Variants in TMTC2 observed in about 807,000 individuals in gnomAD.
TMTC2 encodes transmembrane O-mannosyltransferase targeting cadherins 2, also known as protein O-mannosyl-transferase TMTC2.
TMTC2 carries 43 observed loss-of-function variants against 82.4 expected under a neutral mutation model. The ratio of observed to expected loss-of-function variants is 0.52; its 90% CI spans 0.41 to 0.67. The LOEUF (loss-of-function observed/expected upper bound fraction) is 0.67. TMTC2 is among the 30% of genes least tolerant of loss of function. The pLI is 0.00. For missense variants in TMTC2, 919 were observed against 1,012.4 expected, an observed-to-expected ratio of 0.91 and a Z score of 1.25; for synonymous variants, 408 against 381.9, an observed-to-expected ratio of 1.07 and a Z score of -0.80.
chr12:82,736,820 T>G (rs1875149890), intron 1 of TMTC2, among the ~76,000 whole-genome samples: 2 of 152,182 alleles, frequency 1.3e-5, no homozygotes, highest in African/African-American at 4.8e-5. Flanking sequence ...TATTGGAAGC[T>G]TCTAGTTAAT....
chr12:83,114,085 GA>G (rs202008278), intron 11 of TMTC2, among the ~76,000 whole-genome samples: 5 of 150,652 alleles, frequency 3.3e-5, no homozygotes, highest in Admixed American at 1.3e-4. Context: ...TTTGGAAGAT[GA>G]AAAAAAAATG....
At chr12:82,855,878 A>G (rs754756147) in intron 1 of TMTC2, among the ~76,000 whole-genome samples, 17 of 152,236 alleles carry the variant, frequency 1.1e-4, no homozygotes, top group Non-Finnish European at 1.8e-4. Context: ...TAACATGAAT[A>G]TAACCATTAC....
In TMTC2 at chr12:82,857,052, A is replaced by T. The variant is rs762250107; in HGVS notation, c.126A>T (p.Pro42=). 7 of 1,613,254 alleles carry T rather than the reference A, an allele frequency of 4.3e-6. No individual in the cohort carries two copies. The highest frequency in any genetic ancestry group is 5.1e-6 in the Non-Finnish European group (6 of 1,180,008). ...ATCAGGACCTTCTCCCAGAAACTCC[A>T]TGGACGCACATTTTCTACAATGATT... ...KTNQDLLPET[P]WTHIFYNDFW... Residue 42 remains proline, a synonymous_variant, in exon 2 of 12, where the codon CCA becomes CCT. Transcript: ENST00000321196.
chr12:82,892,068 A>G lies in TMTC2; in HGVS notation c.655-3750A>G, dbSNP rs562907322. On this transcript the variant is annotated intron_variant, in intron 2 of 11. Coordinates refer to ENST00000321196, the MANE Select transcript of TMTC2 (RefSeq NM_152588.3). ...GTGAGAGAGCAAGACCCTGTCTTAA[A>G]AATAAATAAATAGAAAGAGTGAGTC... Among the ~76,000 whole-genome samples the G allele has an allele frequency of 5.3e-5, 8 of 152,280 alleles. No individual in the cohort carries two copies. In the South Asian group the frequency reaches 1.7e-3, roughly 32 times the overall value.
At chr12:83,085,709 T>A (rs1157961700) in intron 11 of TMTC2, among the ~76,000 whole-genome samples, 2 of 152,214 alleles carry the variant, frequency 1.3e-5, no homozygotes, top group African/African-American at 4.8e-5. Context: ...GAATTTACTA[T>A]CCAATTAAGA....
At chr12:83,094,638 G>C (rs1437604251) in intron 11 of TMTC2, among the ~76,000 whole-genome samples, 1 of 152,126 alleles carries the variant, frequency 6.6e-6, no homozygotes. Context: ...ACTTGAACTA[G>C]GGCAGTAGTA....
chr12:83,098,480 C>G (rs547249711), intron 11 of TMTC2, among the ~76,000 whole-genome samples: 40 of 152,340 alleles, frequency 2.6e-4, no homozygotes, highest in African/African-American at 9.4e-4. Context: ...CTCTTTGCCT[C>G]AAGTCTCCAG....
intron 7 of TMTC2, among the ~76,000 whole-genome samples, chr12:82,977,173 G>A (rs1338192635): frequency 6.6e-6 from 1 of 151,866 alleles, no homozygotes; most frequent in African/African-American, 2.4e-5. Flanking sequence ...ACTCAATTTT[G>A]TAAAAATTCT....
intron 11 of TMTC2, among the ~76,000 whole-genome samples, chr12:83,090,629 A>T (rs1883810243): frequency 6.6e-6 from 1 of 152,236 alleles, no homozygotes; most frequent in Admixed American, 6.5e-5. Flanking sequence ...CATTTCTCAA[A>T]TCTGTCTTCC....
At position 82,965,678 on chromosome 12, in the gene TMTC2, C is replaced by T; in HGVS notation, c.1803C>T (p.His601=). The T allele has an allele frequency of 6.2e-7, 1 of 1,613,820 alleles. No individual in the cohort carries two copies. Among genetic ancestry groups the T allele is most frequent in the Non-Finnish European group, 8.5e-7 (1 of 1,179,814 alleles). The change falls in exon 6 of 12, where the codon CAC becomes CAT. Residue 601 remains histidine (H), a synonymous_variant. Transcript: ENST00000321196. ...AAAACCTAAAGGACCCTCATGCACA[C>T]AAGAGCTCTGTTACCAGTTGTTTGT... ...PDENLKDPHA[H]KSSVTSCLYN...
At chr12:82,698,422 A>G (rs944814406) in intron 1 of TMTC2, among the ~76,000 whole-genome samples, 2 of 152,200 alleles carry the variant, frequency 1.3e-5, no homozygotes, top group African/African-American at 4.8e-5. Context: ...CTCAAATGAA[A>G]TAATATGATG....
At chr12:83,048,111 A>G (rs779353043) in intron 9 of TMTC2, among the ~76,000 whole-genome samples, 8 of 152,236 alleles carry the variant, frequency 5.3e-5, no homozygotes, top group Non-Finnish European at 1.2e-4. Flanking sequence ...GTTTGCTTAA[A>G]TATTATGTTT....
chr12:82,954,689 C>A (rs1414090379), intron 4 of TMTC2, among the ~76,000 whole-genome samples: 1 of 152,158 alleles, frequency 6.6e-6, no homozygotes, highest in Non-Finnish European at 1.5e-5. Flanking sequence ...TTATTCATAT[C>A]CACACTTGAA....
intron 4 of TMTC2, among the ~76,000 whole-genome samples, chr12:82,961,536 T>A (rs1877934839): frequency 6.6e-6 from 1 of 152,080 alleles, no homozygotes; most frequent in Admixed American, 6.6e-5. Context: ...TGAGATTTAG[T>A]ATCGGAAACT....
chr12:83,044,711 A>G (rs1882025775), intron 9 of TMTC2, among the ~76,000 whole-genome samples: 1 of 152,232 alleles, frequency 6.6e-6, no homozygotes, highest in East Asian at 1.9e-4. Context: ...TAGTTGTTTT[A>G]TAAAAAAGAT....
intron 2 of TMTC2, among the ~76,000 whole-genome samples, chr12:82,893,022 T>C (rs1873473694): frequency 6.6e-6 from 1 of 152,148 alleles, no homozygotes; most frequent in East Asian, 1.9e-4. Context: ...TGGAATGGTT[T>C]GCAAAAGTTA....
chr12:82,810,582 A>G (rs1253214454), intron 1 of TMTC2, among the ~76,000 whole-genome samples: 1 of 152,092 alleles, frequency 6.6e-6, no homozygotes, highest in Non-Finnish European at 1.5e-5. Flanking sequence ...GGTTTTTATA[A>G]AACAGAAATT....
At chr12:82,723,391 T>C (rs1592874641) in intron 1 of TMTC2, among the ~76,000 whole-genome samples, 1 of 152,178 alleles carries the variant, frequency 6.6e-6, no homozygotes, top group Non-Finnish European at 1.5e-5. Context: ...AGTTAAGATC[T>C]AATAAAGGTT....
intron 9 of TMTC2, among the ~76,000 whole-genome samples, chr12:83,038,385 A>G (rs1251206585): frequency 6.6e-6 from 1 of 152,190 alleles, no homozygotes; most frequent in Non-Finnish European, 1.5e-5. Context: ...AATTCCCTCA[A>G]GCTGCTCTAA....
Sources: allele counts gnomAD v4.1 joint callset (sites outside exome capture counted in the v4.1 genomes callset), GRCh38; gene constraint gnomAD v4.1.1; transcripts MANE v1.5; gene names NCBI Gene and HGNC (gene_info 2026-07-23, HGNC 2026-07-21).